Variants in LRRC69 observed in about 807,000 individuals in gnomAD.
The protein encoded by LRRC69 is leucine rich repeat containing 69.
Under a neutral mutation model 37.8 loss-of-function variants are expected in LRRC69, and 42 were observed. That is an observed-to-expected ratio of 1.11 (90% confidence interval 0.87 to 1.44). The LOEUF (loss-of-function observed/expected upper bound fraction) is 1.44, where lower values mean the gene tolerates loss of function less well. Among genes scored for constraint, LRRC69 ranks in the 40% most tolerant of loss-of-function variants. The probability of loss-of-function intolerance (pLI) is 0.00; values close to 1 mark genes in which losing one functional copy is unlikely to be tolerated. For missense variants in LRRC69, 357 were observed against 401.9 expected (o/e 0.89, Z 0.96); for synonymous variants, 141 against 143.1 (o/e 0.99, Z 0.11).
At chr8:91,210,124 A>G (rs1457791250) in intron 7 of LRRC69, among the ~76,000 whole-genome samples, 1 of 152,202 alleles carries the variant, frequency 6.6e-6, no homozygotes, top group African/African-American at 2.4e-5. Context: ...CCAGGGGGTG[A>G]CATTTAAGTA....
chr8:91,131,563 G>C (rs1301919734), intron 3 of LRRC69, among the ~76,000 whole-genome samples: 1 of 151,938 alleles, frequency 6.6e-6, no homozygotes, highest in South Asian at 2.1e-4. Flanking sequence ...TTTCAGTGTA[G>C]AGGTCCCTCA....
intron 1 of LRRC69, among the ~76,000 whole-genome samples, chr8:91,121,385 A>G (rs1050812795): frequency 6.6e-6 from 1 of 152,052 alleles, no homozygotes; most frequent in East Asian, 1.9e-4. Flanking sequence ...TTATGAAACC[A>G]TATGTAATCT....
At chr8:91,147,269 CAT>C (rs34482745) in intron 5 of LRRC69, among the ~76,000 whole-genome samples, 6 of 145,912 alleles carry the variant, frequency 4.1e-5, no homozygotes, top group East Asian at 2.0e-4. Flanking sequence ...TATATATAAA[CAT>C]ATATTATATA....
At chr8:91,118,393 A>AAGCCAGGCGTGGT (rs1813556060) in intron 1 of LRRC69, 1 of 307,532 alleles carries the variant, frequency 3.3e-6, no homozygotes, top group African/African-American at 2.9e-5. Context: ...AAAAAAAAAA[A>AAGCCAGGCGTGGT]AGCCAGGCGT....
At chr8:91,103,138 T>A (rs562258623) in intron 1 of LRRC69, among the ~76,000 whole-genome samples, 1 of 152,170 alleles carries the variant, frequency 6.6e-6, no homozygotes, top group Admixed American at 6.5e-5. Context: ...TGGAAAGGGG[T>A]TGGAAACCTG....
intron 5 of LRRC69, among the ~76,000 whole-genome samples, chr8:91,183,489 C>T (rs563790152): frequency 9.2e-5 from 14 of 152,078 alleles, no homozygotes; most frequent in African/African-American, 3.1e-4. Flanking sequence ...TTTAGGAGGG[C>T]AGATCATGAG....
chr8:91,127,752 G>T (rs1188192560), intron 3 of LRRC69, among the ~76,000 whole-genome samples: 1 of 151,868 alleles, frequency 6.6e-6, no homozygotes, highest in African/African-American at 2.4e-5. Flanking sequence ...GATGGAGAGA[G>T]AACTCTGTTC....
intron 6 of LRRC69, among the ~76,000 whole-genome samples, chr8:91,192,362 G>A (rs964387508): frequency 6.6e-6 from 1 of 152,070 alleles, no homozygotes; most frequent in African/African-American, 2.4e-5. Flanking sequence ...TACATACTCA[G>A]TAATGGGATG....
At chr8:91,207,597 C>A (rs904185727) in intron 7 of LRRC69, among the ~76,000 whole-genome samples, 3 of 152,256 alleles carry the variant, frequency 2.0e-5, no homozygotes, top group African/African-American at 7.2e-5. Flanking sequence ...AGAGGCATTT[C>A]TTAGAAATGT....
At chr8:91,196,374 G>A (rs1317880335) in intron 6 of LRRC69, among the ~76,000 whole-genome samples, 1 of 151,698 alleles carries the variant, frequency 6.6e-6, no homozygotes, top group Non-Finnish European at 1.5e-5. Flanking sequence ...TGTATTTCCT[G>A]AATCTGAACG....
At chr8:91,212,420 GATGTA>G (rs1027585024) in intron 7 of LRRC69, among the ~76,000 whole-genome samples, 1 of 152,102 alleles carries the variant, frequency 6.6e-6, no homozygotes, top group African/African-American at 2.4e-5. Flanking sequence ...TGTATTAAAT[GATGTA>G]ATGTAATTAA....
intron 7 of LRRC69, among the ~76,000 whole-genome samples, 181 bp from the exon 8 acceptor site, chr8:91,218,709 G>T (rs2130659769): frequency 6.6e-6 from 1 of 152,254 alleles, no homozygotes; most frequent in South Asian, 2.1e-4. Flanking sequence ...ATTTGAGTAT[G>T]ATTTTCTTAG....
chr8:91,185,871 C>T (rs1809399793), intron 5 of LRRC69, among the ~76,000 whole-genome samples: 1 of 152,078 alleles, frequency 6.6e-6, no homozygotes, highest in African/African-American at 2.4e-5. Context: ...TTGTCATACC[C>T]TACTTATTGG....
chr8:91,185,361 A>G (rs202211892), intron 5 of LRRC69, among the ~76,000 whole-genome samples: 2 of 114,652 alleles, frequency 1.7e-5, no homozygotes, highest in Admixed American at 1.6e-4. Context: ...CTCTCTCTCT[A>G]TCTGTGTGTG....
chr8:91,141,627 C>G (rs1325554709), intron 5 of LRRC69, among the ~76,000 whole-genome samples: 1 of 152,028 alleles, frequency 6.6e-6, no homozygotes, highest in Admixed American at 6.6e-5. Context: ...ATGGATGTTG[C>G]TGTATAGAAA....
chr8:91,139,394 T>A (rs929731204), intron 5 of LRRC69, among the ~76,000 whole-genome samples: 3 of 151,860 alleles, frequency 2.0e-5, no homozygotes, highest in African/African-American at 7.2e-5. Context: ...ACAAAAAAAT[T>A]AGCAGGGCGT....
intron 7 of LRRC69, among the ~76,000 whole-genome samples, chr8:91,202,270 G>A (rs1157433909): frequency 6.6e-6 from 1 of 152,036 alleles, no homozygotes; most frequent in Non-Finnish European, 1.5e-5. Flanking sequence ...CAAGAGAAAT[G>A]TATTGTCTCA....
At chr8:91,157,162 G>T in intron 5 of LRRC69, 1 of 726,756 alleles carries the variant, frequency 1.4e-6, no homozygotes, top group Non-Finnish European at 2.4e-6. Flanking sequence ...GAGTGTCATT[G>T]GTATTTTGAT....
intron 5 of LRRC69, among the ~76,000 whole-genome samples, chr8:91,149,648 G>A (rs1808692824): frequency 6.6e-6 from 1 of 151,818 alleles, no homozygotes; most frequent in Admixed American, 6.6e-5. Context: ...TGATGGGGAT[G>A]GCATTGAATC....
Sources: gnomAD v4.1 joint callset for allele counts (sites outside exome capture counted in the v4.1 genomes callset) on GRCh38, gnomAD v4.1.1 for gene constraint, MANE v1.5 for transcripts, NCBI Gene and HGNC (gene_info 2026-07-23, HGNC 2026-07-21) for gene names.